Variants in MFSD11 observed in about 807,000 individuals in gnomAD.
The protein encoded by MFSD11 is major facilitator superfamily domain containing 11.
Under a neutral mutation model 53.5 loss-of-function variants are expected in MFSD11, and 36 were observed. That is an observed-to-expected ratio of 0.67 (90% CI 0.52 to 0.89). The LOEUF is 0.89. MFSD11 is among the 40% of genes least tolerant of loss of function. MFSD11 has a pLI of 0.00. For synonymous variants in MFSD11, 186 were observed against 184.9 expected (o/e 1.01, Z -0.05); for missense variants, 530 against 543.9 (o/e 0.97, Z 0.25).
At position 76,754,105 on chromosome 17, in the gene MFSD11, C is replaced by T. The variant is rs1270014983; in HGVS notation, c.682+18C>T. On this transcript the variant is annotated intron_variant, in intron 8 of 12. Coordinates refer to ENST00000685175, the MANE Select transcript of MFSD11 (RefSeq NM_001242532.5). The stretch of plus-strand genomic sequence containing the variant: ...TGCTTTTAGTAAGTATTTTCTGTAT[C>T]TGAAATGCAAGAACTGTTCAGGAAC... 1 of 1,603,002 alleles carries T rather than the reference C, an allele frequency of 6.2e-7. No individual in the cohort carries two copies. Among genetic ancestry groups the T allele is most frequent in the African/African-American group, 1.4e-5 (1 of 73,160 alleles).
At chr17:76,738,571 A>G (rs73996696) in intron 1 of MFSD11, 123 bp downstream of exon 1, 7,192 of 698,512 alleles carry the variant, frequency 0.01, 267 homozygotes, top group African/African-American at 0.093. Context: ...TCCCACCCAG[A>G]CTTCCTCATT....
At position 76,753,899 on chromosome 17, in the gene MFSD11, T is replaced by C. The variant is rs1792241732; in HGVS notation, c.642-148T>C. 5.0e-6 allele frequency: 3 copies of C among 603,292 alleles called. No individual in the cohort carries two copies. In the Admixed American group the frequency reaches 8.9e-5, roughly 18 times the overall value. 37.4% of individuals were successfully genotyped at this position (603,292 alleles called of 1,614,324 possible). On this transcript the variant is annotated intron_variant, in intron 7 of 12. Coordinates refer to ENST00000685175, the MANE Select transcript of MFSD11 (RefSeq NM_001242532.5). Reference sequence around the variant, plus strand: ...GAGGGTGTGGCCATGAGGGACACCCTGAGGCAAGGAGCATTCGAGTCACTG... The same window carrying C: ...GAGGGTGTGGCCATGAGGGACACCCCGAGGCAAGGAGCATTCGAGTCACTG...
the MFSD11 span, among the ~76,000 whole-genome samples, chr17:76,796,104 CACATTTATTTT>C: frequency 6.6e-6 from 1 of 152,136 alleles, no homozygotes; most frequent in Non-Finnish European, 1.5e-5. Flanking sequence ...TTTCTGTAGA[CACATTTATTTT>C]ATTCTTGTTT....
Position 76,740,067 on chromosome 17 carries a change from G to T in MFSD11, c.153-890G>T, listed in dbSNP as rs200542999. On this transcript the variant is annotated intron_variant, in intron 2 of 12. Coordinates refer to ENST00000685175, the MANE Select transcript of MFSD11 (RefSeq NM_001242532.5). The stretch of plus-strand genomic sequence containing the variant: ...TGGGCGCCTGTAATCCCAGCTACTC[G>T]GGAGGCTGAGGCAAGAGAATGGCGT... Among the ~76,000 whole-genome samples the T allele has an allele frequency of 3.3e-5, 5 of 151,218 alleles. No individual in the cohort carries two copies. In the East Asian group the frequency reaches 9.7e-4, roughly 29 times the overall value.
chr17:76,796,405 C>T, the MFSD11 span, among the ~76,000 whole-genome samples: 1 of 152,162 alleles, frequency 6.6e-6, no homozygotes, highest in Non-Finnish European at 1.5e-5. Flanking sequence ...GAAGGACTGT[C>T]ATTTACAGTC....
the MFSD11 span, among the ~76,000 whole-genome samples, chr17:76,798,029 G>A: frequency 4.0e-5 from 6 of 151,170 alleles, no homozygotes; most frequent in Admixed American, 4.0e-4. Context: ...AACCACAGGT[G>A]CGCACCACCA....
At chr17:76,747,191 C>G (rs941307761) in intron 7 of MFSD11, among the ~76,000 whole-genome samples, 2 of 152,124 alleles carry the variant, frequency 1.3e-5, no homozygotes, top group Non-Finnish European at 2.9e-5. Flanking sequence ...GAGAAGGAGT[C>G]ATCATTCTAG....
At chr17:76,737,306 C>G, upstream of MFSD11, 1 of 1,154,440 alleles carries the variant, frequency 8.7e-7, no homozygotes, top group East Asian at 2.6e-5. Flanking sequence ...ACGGGCTCCG[C>G]AGGCTAGCGC....
intron 8 of MFSD11, among the ~76,000 whole-genome samples, chr17:76,759,756 C>CTTATTTTTTT (rs2080015998): frequency 3.7e-5 from 1 of 27,004 alleles, no homozygotes; most frequent in Non-Finnish European, 6.5e-5. Flanking sequence ...CGTGACCGGC[C>CTTATTTTTTT]TTTTTTTTTT....
chr17:76,748,134 C>G (rs1464096634), intron 7 of MFSD11: 1 of 151,714 alleles, frequency 6.6e-6, no homozygotes, highest in Admixed American at 6.6e-5. Flanking sequence ...CTCCCTGAGA[C>G]GTGGCTGGTG....
At chr17:76,736,786 C>T, upstream of MFSD11, 2 of 1,523,292 alleles carry the variant, frequency 1.3e-6, no homozygotes, top group Middle Eastern at 2.0e-4. Context: ...GCGGTCCCCT[C>T]AGCCCCGTTT....
downstream of MFSD11, among the ~76,000 whole-genome samples, chr17:76,782,906 C>T (rs1012509111): frequency 6.6e-5 from 10 of 151,846 alleles, no homozygotes; most frequent in Middle Eastern, 3.2e-3. Context: ...GGGCCAGGCA[C>T]GGTGGCTCAC....
At chr17:76,786,346 T>A (rs1373550731), downstream of MFSD11, among the ~76,000 whole-genome samples, 3 of 151,972 alleles carry the variant, frequency 2.0e-5, no homozygotes, top group Non-Finnish European at 2.9e-5. Context: ...GGTTTCGCCA[T>A]GTTGGCCAGG....
In MFSD11 at chr17:76,738,303, G is replaced by A. The variant is rs573247013; in HGVS notation, c.-50G>A. On this transcript the variant is annotated 5_prime_UTR_variant, in exon 1 of 13. Coordinates refer to ENST00000685175, the MANE Select transcript of MFSD11 (RefSeq NM_001242532.5). ...CCAGGATTGTCAGTGGCTTCGCCCC[G>A]AGGAGAGCTGACTGCCCTGGGCTGC... 1.5e-5 allele frequency: 19 copies of A among 1,258,184 alleles called. No individual in the cohort carries two copies. In the African/African-American group the frequency reaches 2.8e-4, roughly 19 times the overall value. 77.9% of individuals were successfully genotyped at this position (1,258,184 alleles called of 1,614,324 possible). A position where few individuals can be genotyped will look rare whatever the true frequency, so the allele number is the denominator to read the frequency against.
chr17:76,741,876 GAA>G lies in MFSD11; in HGVS notation c.261-92_261-91del, dbSNP rs1440360214. On this transcript the variant is annotated intron_variant, in intron 3 of 12. Transcript: ENST00000685175. ...ATCCTTTACAGGTTGAGTTTTAAAA[GAA>G]GAGAATGTCAGAACTGATTCCTAGA... 19 of 1,579,114 alleles carry G rather than the reference GAA, an allele frequency of 1.2e-5. No individual in the cohort carries two copies. In the African/African-American group the frequency reaches 1.6e-4, roughly 14 times the overall value.
chr17:76,795,181 A>G, the MFSD11 span, among the ~76,000 whole-genome samples: 26 of 151,590 alleles, frequency 1.7e-4, 1 homozygote, highest in Non-Finnish European at 1.5e-5. Context: ...TGTATTAGGT[A>G]TTGTAAGTAA....
intron 8 of MFSD11, 126 bp downstream of exon 8, chr17:76,754,213 C>G: frequency 2.9e-6 from 2 of 688,458 alleles, no homozygotes; most frequent in Non-Finnish European, 5.1e-6. Context: ...AGGTATGCTG[C>G]TCTGAAATAT....
At chr17:76,782,566 C>T (rs2082194509), downstream of MFSD11, among the ~76,000 whole-genome samples, 1 of 147,868 alleles carries the variant, frequency 6.8e-6, no homozygotes, top group South Asian at 2.2e-4. Context: ...GCAACCTCCA[C>T]ATCCCGGGTT....
At chr17:76,770,177 A>G (rs1390184688) in intron 10 of MFSD11, among the ~76,000 whole-genome samples, 1 of 151,162 alleles carries the variant, frequency 6.6e-6, no homozygotes, top group Non-Finnish European at 1.5e-5. Flanking sequence ...AGCTGGGACT[A>G]CAGGCGCCCG....
Sources: allele counts gnomAD v4.1 joint callset (sites outside exome capture counted in the v4.1 genomes callset), GRCh38; gene constraint gnomAD v4.1.1; transcripts MANE v1.5; gene names NCBI Gene and HGNC (gene_info 2026-07-23, HGNC 2026-07-21).